GALNT13: variants seen among roughly 807,000 people sequenced by gnomAD.
GALNT13 encodes UDP-GalNAc:polypeptide N-acetylgalactosaminyltransferase 13.
In GALNT13, 28 loss-of-function variants were observed where a neutral mutation model predicts 64.2. The observed-to-expected ratio is 0.44, with a 90% confidence interval of 0.32 to 0.60. GALNT13 has a LOEUF of 0.60. Among genes scored for constraint, GALNT13 ranks in the 20% least tolerant of loss-of-function variants. GALNT13 has a pLI of 0.05. For synonymous variants in GALNT13, 214 were observed against 224.6 expected (o/e 0.95, Z 0.42); for missense variants, 577 against 669.8 (o/e 0.86, Z 1.53).
the GALNT13 span, among the ~76,000 whole-genome samples, chr2:153,380,585 G>A: frequency 2.6e-5 from 4 of 151,918 alleles, no homozygotes; most frequent in East Asian, 5.8e-4. Context: ...GGGGGTGGGG[G>A]GTCCTGGAAA....
At chr2:153,736,307 T>C in the GALNT13 span, among the ~76,000 whole-genome samples, 13 of 152,206 alleles carry the variant, frequency 8.5e-5, no homozygotes, top group Non-Finnish European at 1.5e-4. Flanking sequence ...TCTCATATTT[T>C]GGCCAATGGG....
the GALNT13 span, chr2:153,354,322 T>C: frequency 6.6e-6 from 1 of 152,176 alleles, no homozygotes; most frequent in African/African-American, 2.4e-5. Context: ...CCCTTTATAC[T>C]CACTATAATG....
chr2:154,178,977 C>A (rs1033977298), intron 4 of GALNT13, among the ~76,000 whole-genome samples: 2 of 152,170 alleles, frequency 1.3e-5, no homozygotes, highest in African/African-American at 4.8e-5. Flanking sequence ...CACACAGAAC[C>A]AATCTGAGAT....
intron 2 of GALNT13, among the ~76,000 whole-genome samples, chr2:153,927,201 T>G (rs371812085): frequency 5.9e-5 from 9 of 152,178 alleles, no homozygotes; most frequent in South Asian, 2.1e-4. Context: ...CAATTTATGT[T>G]TCTATCTGCA....
the GALNT13 span, among the ~76,000 whole-genome samples, chr2:153,251,559 C>G: frequency 6.6e-6 from 1 of 151,818 alleles, no homozygotes; most frequent in South Asian, 2.1e-4. Context: ...CATGCTGGTG[C>G]GCTGCACCCA....
At chr2:153,448,047 G>A in the GALNT13 span, among the ~76,000 whole-genome samples, 1 of 152,134 alleles carries the variant, frequency 6.6e-6, no homozygotes, top group African/African-American at 2.4e-5. Context: ...GACCTACAGA[G>A]CAATTACCAT....
At chr2:153,968,866 TG>T (rs1693552186) in intron 3 of GALNT13, among the ~76,000 whole-genome samples, 2 of 152,204 alleles carry the variant, frequency 1.3e-5, no homozygotes, top group South Asian at 2.1e-4. Context: ...ATCATCAGTA[TG>T]TGTATACATA....
the GALNT13 span, among the ~76,000 whole-genome samples, chr2:153,736,072 G>A: frequency 2.0e-5 from 3 of 152,118 alleles, no homozygotes; most frequent in Admixed American, 1.3e-4. Flanking sequence ...TTTTTTAGTC[G>A]AAACAACAAT....
chr2:154,132,227 G>A (rs1355802768), intron 3 of GALNT13, among the ~76,000 whole-genome samples: 1 of 152,078 alleles, frequency 6.6e-6, no homozygotes, highest in Non-Finnish European at 1.5e-5. Flanking sequence ...ATCATAGTAG[G>A]TAATGTACTG....
intron 3 of GALNT13, among the ~76,000 whole-genome samples, chr2:154,020,900 G>A (rs1035935082): frequency 2.0e-4 from 30 of 152,208 alleles, no homozygotes; most frequent in African/African-American, 6.7e-4. Context: ...AAGAGATCCA[G>A]TTTCAGCTTT....
the GALNT13 span, among the ~76,000 whole-genome samples, chr2:153,353,592 A>T: frequency 5.3e-5 from 8 of 151,196 alleles, no homozygotes; most frequent in African/African-American, 1.9e-4. Context: ...GGTTTTTTGT[A>T]GATATTCCTT....
chr2:154,023,043 G>T (rs1697646800), intron 3 of GALNT13, among the ~76,000 whole-genome samples: 1 of 152,270 alleles, frequency 6.6e-6, no homozygotes, highest in Non-Finnish European at 1.5e-5. Context: ...TAATTAGATT[G>T]CACTGTGGTC....
At chr2:153,642,176 C>T in the GALNT13 span, among the ~76,000 whole-genome samples, 3 of 151,810 alleles carry the variant, frequency 2.0e-5, no homozygotes, top group Non-Finnish European at 4.4e-5. Context: ...CTAATATGTT[C>T]TTTACTATGT....
the GALNT13 span, among the ~76,000 whole-genome samples, chr2:153,655,070 A>G: frequency 6.6e-6 from 1 of 152,144 alleles, no homozygotes; most frequent in Non-Finnish European, 1.5e-5. Flanking sequence ...ATCAATTTTG[A>G]TCAACTTTTA....
chr2:154,143,139 A>G (rs538946564), intron 4 of GALNT13, among the ~76,000 whole-genome samples: 13 of 152,290 alleles, frequency 8.5e-5, no homozygotes, highest in African/African-American at 3.1e-4. Context: ...GTTCTAACTC[A>G]GTTGATCAGG....
At chr2:153,696,040 G>T in the GALNT13 span, among the ~76,000 whole-genome samples, 1 of 152,070 alleles carries the variant, frequency 6.6e-6, no homozygotes, top group African/African-American at 2.4e-5. Flanking sequence ...TTATTAAGGA[G>T]TATTGATACA....
At chr2:153,154,475 C>G in the GALNT13 span, among the ~76,000 whole-genome samples, 1 of 151,990 alleles carries the variant, frequency 6.6e-6, no homozygotes, top group Non-Finnish European at 1.5e-5. Context: ...CCCTAGTTAG[C>G]TATATTCCTA....
In GALNT13 at chr2:154,298,708, T is replaced by TG. The variant is rs1693198281; in HGVS notation, c.976-2701_976-2700insG. On this transcript the variant is annotated intron_variant, in intron 8 of 12. Coordinates refer to ENST00000392825, the MANE Select transcript of GALNT13 (RefSeq NM_052917.4). ...ATTTATATATACATTGTATATACAA[T>TG]TTATATATAAATTATATTATTTATA... 1.4e-4 allele frequency among the ~76,000 whole-genome samples: 15 copies of TG among 108,706 alleles called. 2 individuals carry two copies. Among genetic ancestry groups the TG allele is most frequent in the South Asian group, 2.7e-4 (1 of 3,664 alleles). 71.3% of individuals were successfully genotyped at this position (108,706 alleles called of 152,430 possible).
chr2:153,625,795 T>G, the GALNT13 span, among the ~76,000 whole-genome samples: 6 of 152,238 alleles, frequency 3.9e-5, no homozygotes, highest in African/African-American at 1.4e-4. Flanking sequence ...CGTTCTTCAT[T>G]CTTCAGTCTG....
Sources: gnomAD v4.1 joint callset for allele counts (sites outside exome capture counted in the v4.1 genomes callset) on GRCh38, gnomAD v4.1.1 for gene constraint, MANE v1.5 for transcripts, NCBI Gene and HGNC (gene_info 2026-07-23, HGNC 2026-07-21) for gene names.